Variants in NIN observed in about 807,000 individuals in gnomAD.
NIN encodes ninein.
NIN carries 137 observed loss-of-function variants against 257.6 expected under a neutral mutation model. That is an observed-to-expected ratio of 0.53 (90% CI 0.46 to 0.61). NIN has a LOEUF of 0.61. NIN is among the 20% of genes least tolerant of loss of function. The pLI is 0.00. For missense variants in NIN, 2,439 were observed against 2,501.2 expected, an observed-to-expected ratio of 0.98 and a Z score of 0.53; for synonymous variants, 918 against 919.8, an observed-to-expected ratio of 1.00 and a Z score of 0.04.
chr14:50,737,488 T>C (rs1336383750), intron 27 of NIN, among the ~76,000 whole-genome samples: 1 of 81,962 alleles, frequency 1.2e-5, no homozygotes, highest in Non-Finnish European at 2.4e-5. Flanking sequence ...TTTAATTTGT[T>C]ACATAGCAAA....
At position 50,772,999 on chromosome 14, in the gene NIN, G is replaced by A. The variant is rs760172695; in HGVS notation, c.763C>T (p.Pro255Ser). 6.2e-7 allele frequency: 1 copy of A among 1,613,088 alleles called. No individual in the cohort carries two copies. The highest frequency in any genetic ancestry group is 2.2e-5 in the East Asian group (1 of 44,850). Residue 255 changes from proline to serine, a missense_variant, in exon 8 of 31, where the codon CCA becomes TCA. Around this residue, in one of 3 missense-constraint regions of NIN, gnomAD observed 387 missense variants for 427.3 expected, o/e 0.91. Coordinates refer to ENST00000530997, the MANE Select transcript of NIN (RefSeq NM_020921.4). The part of the protein sequence containing the change: ...GLFKNGKSLT[P>S]SASTPYRQLK... The stretch of plus-strand genomic sequence containing the variant: ...TGTCTATATGGAGTAGATGCTGATG[G>A]TGTAAGAGATTTTCCATTTTTAAAC...
intron 2 of NIN, among the ~76,000 whole-genome samples, chr14:50,830,241 C>G (rs1408162897): frequency 6.6e-6 from 1 of 152,242 alleles, no homozygotes; most frequent in Non-Finnish European, 1.5e-5. Context: ...CTTTCAGCTC[C>G]GGGCAGGCGG....
At chr14:50,745,213 C>T (rs1205655677) in intron 22 of NIN, among the ~76,000 whole-genome samples, 3 of 152,084 alleles carry the variant, frequency 2.0e-5, no homozygotes, top group Non-Finnish European at 2.9e-5. Context: ...CGTTGGGGGT[C>T]GCGGGGCATT....
intron 5 of NIN, among the ~76,000 whole-genome samples, chr14:50,781,178 A>C (rs1476793675): frequency 6.6e-6 from 1 of 152,154 alleles, no homozygotes; most frequent in Admixed American, 6.5e-5. Flanking sequence ...CCAGAACTAA[A>C]TCCACTAATT....
chr14:50,768,673 C>T (rs781521371), intron 12 of NIN, among the ~76,000 whole-genome samples: 1 of 152,058 alleles, frequency 6.6e-6, no homozygotes, highest in African/African-American at 2.4e-5. Flanking sequence ...GGTATGAGGA[C>T]GAGCTCCTTT....
chr14:50,822,234 C>G (rs2045257602), intron 2 of NIN, among the ~76,000 whole-genome samples, 157 bp from the exon 3 acceptor site: 1 of 152,216 alleles, frequency 6.6e-6, no homozygotes, highest in African/African-American at 2.4e-5. Flanking sequence ...GACCCCCAGT[C>G]TCTGTAGGAC....
Position 50,772,446 on chromosome 14 carries a change from C to A in NIN, c.836G>T (p.Arg279Leu), listed in dbSNP as rs771271013. Residue 279 changes from arginine (R) to leucine (L), a missense_variant, in exon 9 of 31, where the codon CGT becomes CTT. This residue lies in a region of NIN where 387 missense variants were observed against 427.3 expected (regional missense o/e 0.91). Transcript: ENST00000530997. ...TGTCATTGCTGATGAGGTTGTGGTA[C>A]GTCGTCCACTCTCATCGAAAGACTG... Reference protein sequence around the residue: ...SMQSFDESGRRTTTSSAMTST... With the variant: ...SMQSFDESGRLTTTSSAMTST... The A allele has an allele frequency of 6.2e-7, 1 of 1,613,998 alleles. No homozygotes were observed. Among genetic ancestry groups the A allele is most frequent in the African/African-American group, 1.3e-5 (1 of 74,908 alleles).
At chr14:50,768,052 A>AAC (rs61028485) in intron 12 of NIN, among the ~76,000 whole-genome samples, 2,143 of 139,044 alleles carry the variant, frequency 0.015, 24 homozygotes, top group Admixed American at 0.021. Context: ...CACATTTGCC[A>AAC]ACACACACAC....
chr14:50,804,594 T>C (rs1367173344), intron 4 of NIN, among the ~76,000 whole-genome samples: 2 of 152,204 alleles, frequency 1.3e-5, no homozygotes, highest in African/African-American at 2.4e-5. Context: ...TTTGCCTGCA[T>C]AGCAGTGAGG....
intron 7 of NIN, among the ~76,000 whole-genome samples, chr14:50,775,048 G>A (rs1245088415): frequency 3.3e-5 from 5 of 152,214 alleles, no homozygotes; most frequent in Non-Finnish European, 2.9e-5. Flanking sequence ...GGAAGATGAT[G>A]TCAACGAATG....
intron 3 of NIN, 81 bp downstream of exon 3, chr14:50,821,793 A>G: frequency 1.8e-6 from 2 of 1,097,994 alleles, no homozygotes; most frequent in South Asian, 2.8e-5. Context: ...AAGTTGCAAC[A>G]TGTGTGGTCC....
At chr14:50,819,727 T>C (rs2045109310) in intron 3 of NIN, among the ~76,000 whole-genome samples, 1 of 152,272 alleles carries the variant, frequency 6.6e-6, no homozygotes, top group South Asian at 2.1e-4. Flanking sequence ...ATTTGTTGAA[T>C]TAATGAATAG....
intron 14 of NIN, among the ~76,000 whole-genome samples, chr14:50,764,555 A>T (rs2042399201): frequency 6.6e-6 from 1 of 152,206 alleles, no homozygotes; most frequent in African/African-American, 2.4e-5. Flanking sequence ...CGTTACTCAT[A>T]ATAGCCAAAA....
intron 3 of NIN, among the ~76,000 whole-genome samples, chr14:50,819,956 C>G (rs934432214): frequency 2.6e-5 from 4 of 152,094 alleles, no homozygotes; most frequent in Non-Finnish European, 4.4e-5. Context: ...GGCATTTTTT[C>G]TTATAATTTA....
intron 2 of NIN, among the ~76,000 whole-genome samples, chr14:50,823,010 C>A (rs1341199032): frequency 6.6e-6 from 1 of 152,200 alleles, no homozygotes; most frequent in Non-Finnish European, 1.5e-5. Flanking sequence ...TTCCGTCTCT[C>A]TCACCTACCC....
chr14:50,820,645 T>C (rs568348440), intron 3 of NIN, among the ~76,000 whole-genome samples: 30 of 152,320 alleles, frequency 2.0e-4, no homozygotes, highest in African/African-American at 6.7e-4. Flanking sequence ...TTTAAGATTA[T>C]TAAAGCAAGA....
At chr14:50,729,789 G>A (rs2040598975) in intron 28 of NIN, 66 bp from the exon 29 acceptor site, 1 of 1,245,754 alleles carries the variant, frequency 8.0e-7, no homozygotes, top group Non-Finnish European at 1.1e-6. Flanking sequence ...CCTTTATGGT[G>A]TCAGGCAGTG....
Position 50,721,871 on chromosome 14 carries a change from C to A in NIN, c.*1592G>T. The A allele has an allele frequency of 4.5e-6, 1 of 223,160 alleles. No individual in the cohort carries two copies. The highest frequency in any genetic ancestry group is 6.5e-5 in the East Asian group (1 of 15,500). 13.8% of individuals were successfully genotyped at this position (223,160 alleles called of 1,614,324 possible). A position where few individuals can be genotyped will look rare whatever the true frequency, so the allele number is the denominator to read the frequency against. On this transcript the variant is annotated 3_prime_UTR_variant, in exon 31 of 31. Transcript: ENST00000530997. ...TGAGACTCATAAGCCCCCAAGAAAC[C>A]CTGAAGTTCCCTGATGGAAATTATT...
rs1595683953 is a variant in NIN, at chr14:50,723,726, C to T, written c.6193-54G>A. ...TCCATTTCTGTAACTCTTCTTAAAC[C>T]TTCAGTTTAAGGTCTGACATAAGGA... On this transcript the variant is annotated intron_variant, in intron 30 of 30. Transcript: ENST00000530997. 4.0e-6 allele frequency: 6 copies of T among 1,493,602 alleles called. No homozygotes were observed. In the East Asian group the frequency reaches 1.4e-4, roughly 34 times the overall value. The allele number at this position is 1,493,602 out of a possible 1,614,324, so 92.5% of individuals were successfully genotyped here.
Sources: gnomAD v4.1 joint callset for allele counts (sites outside exome capture counted in the v4.1 genomes callset) on GRCh38, gnomAD v4.1.1 for gene constraint, gnomAD v4.1.1 regional missense constraint, MANE v1.5 for transcripts, NCBI Gene and HGNC (gene_info 2026-07-23, HGNC 2026-07-21) for gene names.